Variants in PSMD11 observed in about 807,000 individuals in gnomAD.
The protein encoded by PSMD11 is proteasome 26S subunit, non-ATPase 11, also known as 26S proteasome non-ATPase regulatory subunit 11.
A neutral mutation model predicts 62.3 loss-of-function variants in PSMD11; 5 were observed. The observed-to-expected ratio is 0.08, with a 90% CI of 0.04 to 0.17. PSMD11 has a LOEUF of 0.17. Ranked by LOEUF, PSMD11 falls within the 10% of genes least tolerant of loss-of-function variation. The probability of loss-of-function intolerance (pLI) is 1.00; values close to 1 mark genes in which losing one functional copy is unlikely to be tolerated. For synonymous variants in PSMD11, 191 were observed against 191.8 expected (o/e 1.00, Z 0.03); for missense variants, 310 against 512.9 (o/e 0.60, Z 3.82).
intron 2 of PSMD11, among the ~76,000 whole-genome samples, chr17:32,451,377 A>T (rs142885625): frequency 2.2e-3 from 338 of 152,330 alleles, no homozygotes; most frequent in African/African-American, 7.1e-3. Context: ...GACAGAGCAG[A>T]TAGTCTCTGT....
At chr17:32,479,213 T>G (rs776279824) in intron 9 of PSMD11, 38 bp from the exon 10 acceptor site, 3 of 1,608,810 alleles carry the variant, frequency 1.9e-6, no homozygotes, top group Non-Finnish European at 2.5e-6. Flanking sequence ...TTTAAAGTGA[T>G]TCTCTGTGCC....
rs1007385826 is a variant in PSMD11 at position 32,452,909 on chromosome 17, G to A, written c.194-1586G>A. Among the ~76,000 whole-genome samples, 8 of 152,148 alleles carry A rather than the reference G, an allele frequency of 5.3e-5. No homozygotes were observed. In the South Asian group the frequency reaches 1.0e-3, roughly 20 times the overall value. On this transcript the variant is annotated intron_variant, in intron 2 of 13. Transcript: ENST00000261712. ...TAAGTTACCTAGAAACAAGGACTTC[G>A]GAGGAACAGTTGAAATAGCCAAAGA...
At chr17:32,471,486 G>T (rs1243383995) in intron 6 of PSMD11, among the ~76,000 whole-genome samples, 1 of 152,152 alleles carries the variant, frequency 6.6e-6, no homozygotes, top group Non-Finnish European at 1.5e-5. Context: ...ATAAGATGTT[G>T]GATTCCCTCT....
intron 5 of PSMD11, among the ~76,000 whole-genome samples, chr17:32,467,175 C>CT (rs1251380787): frequency 6.6e-6 from 1 of 151,264 alleles, no homozygotes; most frequent in African/African-American, 2.4e-5. Context: ...GAACTCTTGA[C>CT]TTAGTGATCT....
chr17:32,473,282 CT>C (rs995068972), intron 6 of PSMD11, among the ~76,000 whole-genome samples: 53 of 142,242 alleles, frequency 3.7e-4, no homozygotes, highest in Non-Finnish European at 3.8e-4. Context: ...CTGCACCTGG[CT>C]TTTTTTTTTT....
At chr17:32,451,120 C>CA (rs68054446) in intron 2 of PSMD11, among the ~76,000 whole-genome samples, 20,234 of 106,120 alleles carry the variant, frequency 0.19, 1,935 homozygotes, top group African/African-American at 0.32. Context: ...GGCTCTTTCT[C>CA]AAAAAAAAAA....
At chr17:32,466,311 T>A (rs1179538845) in intron 5 of PSMD11, among the ~76,000 whole-genome samples, 1 of 152,180 alleles carries the variant, frequency 6.6e-6, no homozygotes. Context: ...AACATTTTTA[T>A]CACCCCAGAA....
intron 1 of PSMD11, 138 bp downstream of exon 1, chr17:32,444,752 A>AGGCCGCTCGGAGCTCC (rs1489893179): frequency 1.9e-6 from 2 of 1,077,194 alleles, no homozygotes; most frequent in Non-Finnish European, 2.6e-6. Context: ...CCGGGGGCGC[A>AGGCCGCTCGGAGCTCC]GGCCGCTCGG....
intron 3 of PSMD11, among the ~76,000 whole-genome samples, chr17:32,456,360 G>A (rs536787735): frequency 1.7e-4 from 26 of 151,830 alleles, no homozygotes; most frequent in African/African-American, 5.6e-4. Flanking sequence ...CTCACTCAGC[G>A]GATAGAACAG....
At position 32,468,920 on chromosome 17, in the gene PSMD11, T is replaced by C. The variant is rs1597839205; in HGVS notation, c.449-79T>C. 6.4e-6 allele frequency: 8 copies of C among 1,243,574 alleles called. 1 individual carries two copies. The Middle Eastern group carries it at 8.5e-4, about 132-fold the overall frequency. The allele number at this position is 1,243,574 out of a possible 1,614,324, so 77.0% of individuals were successfully genotyped here. ...ATTTTTTTTTTTTTTTAATCCTGAG[T>C]GTTATGAGGGTGGGAGAGTGAGCTA... On this transcript the variant is annotated intron_variant, in intron 5 of 13. Coordinates refer to ENST00000261712, the MANE Select transcript of PSMD11 (RefSeq NM_002815.4).
intron 2 of PSMD11, 155 bp downstream of exon 2, chr17:32,447,201 C>T (rs1374486337): frequency 3.7e-6 from 2 of 543,218 alleles, no homozygotes; most frequent in Non-Finnish European, 3.2e-6. Flanking sequence ...ATTAAGTGGC[C>T]TTTAAACTCA....
chr17:32,473,795 G>A lies in PSMD11; in HGVS notation c.644-6G>A, dbSNP rs371884691. ...ATGTTCTTATTCCTTTCTTTTCAAT[G>A]CCCAGGTATTATCCATGCAGCAGAA... On this transcript the variant is annotated splice_polypyrimidine_tract_variant and splice_region_variant and intron_variant, in intron 6 of 13. Coordinates refer to ENST00000261712, the MANE Select transcript of PSMD11 (RefSeq NM_002815.4). The A allele has an allele frequency of 8.7e-6, 14 of 1,612,726 alleles. No homozygotes were observed. Among genetic ancestry groups the A allele is most frequent in the Admixed American group, 3.3e-5 (2 of 59,936 alleles).
intron 6 of PSMD11, 132 bp from the exon 7 acceptor site, chr17:32,473,669 C>A: frequency 1.2e-6 from 1 of 812,054 alleles, no homozygotes; most frequent in Non-Finnish European, 1.9e-6. Context: ...CCCATCTCAG[C>A]CTCCCAAAGT....
rs1400063690 is a variant in PSMD11 at position 32,449,122 on chromosome 17, TAGCC to T, written c.193+2079_193+2082del. 1.1e-4 allele frequency among the ~76,000 whole-genome samples: 16 copies of T among 152,310 alleles called. No homozygotes were observed. The South Asian group carries it at 1.2e-3, about 12-fold the overall frequency. On this transcript the variant is annotated intron_variant, in intron 2 of 13. Coordinates refer to ENST00000261712, the MANE Select transcript of PSMD11 (RefSeq NM_002815.4). The stretch of plus-strand genomic sequence containing the variant: ...GTGATGTGAAAATTTTTTTTGTTGT[TAGCC>T]AGGCGTGATGGCTCATGCCTGTAAT...
intron 3 of PSMD11, among the ~76,000 whole-genome samples, chr17:32,462,743 A>G (rs1311982665): frequency 2.0e-5 from 3 of 151,872 alleles, no homozygotes; most frequent in Admixed American, 6.6e-5. Flanking sequence ...CTGGAGTGCA[A>G]TGGTGCGATC....
rs1394952866 is a variant in PSMD11, at chr17:32,466,198, T to G, written c.448+1620T>G. On this transcript the variant is annotated intron_variant, in intron 5 of 13. Coordinates refer to ENST00000261712, the MANE Select transcript of PSMD11 (RefSeq NM_002815.4). Reference sequence around the variant, plus strand: ...TTTTAGTAGAGATGGGGTTTCACCATTTTGGTCAGGCTGGTCTCAAACTCC... The same window carrying G: ...TTTTAGTAGAGATGGGGTTTCACCAGTTTGGTCAGGCTGGTCTCAAACTCC... 2.6e-5 allele frequency among the ~76,000 whole-genome samples: 4 copies of G among 152,142 alleles called. No individual in the cohort carries two copies. In the South Asian group the frequency reaches 6.2e-4, roughly 24 times the overall value.
Position 32,444,539 on chromosome 17 carries a change from G to C in PSMD11, c.16G>C (p.Val6Leu). 3 of 1,606,148 alleles carry C rather than the reference G, an allele frequency of 1.9e-6. No homozygotes were observed. The highest frequency in any genetic ancestry group is 2.5e-6 in the Non-Finnish European group (3 of 1,176,762). MAAAA[V>L]VEFQRAQSLL... is the part of the protein sequence containing the mutation. ...GAGCGGTAAGATGGCGGCGGCGGCG[G>C]TGGTGGAGTTCCAGAGAGCCCAGTC... Residue 6 changes from valine to leucine, a missense_variant, in exon 1 of 14, where the codon GTG becomes CTG. Transcript: ENST00000261712.
intron 6 of PSMD11, among the ~76,000 whole-genome samples, chr17:32,469,812 C>T (rs1053714878): frequency 2.0e-5 from 3 of 151,924 alleles, no homozygotes; most frequent in African/African-American, 4.8e-5. Flanking sequence ...AATGCCTACT[C>T]GACTCATCTG....
intron 2 of PSMD11, among the ~76,000 whole-genome samples, chr17:32,448,553 A>G (rs1405182428): frequency 6.7e-6 from 1 of 150,278 alleles, no homozygotes; most frequent in Admixed American, 6.6e-5. Context: ...TTTTTTTTTT[A>G]GTAGAGGCGA....
Sources: gnomAD v4.1 joint callset for allele counts (sites outside exome capture counted in the v4.1 genomes callset) on GRCh38, gnomAD v4.1.1 for gene constraint, MANE v1.5 for transcripts, NCBI Gene and HGNC (gene_info 2026-07-23, HGNC 2026-07-21) for gene names.